The following CMIP variants were observed in gnomAD, a reference collection of about 807,000 sequenced individuals.
CMIP encodes c-Maf inducing protein, also known as C-Maf-inducing protein.
A neutral mutation model predicts 97.3 loss-of-function variants in CMIP; 13 were observed. The observed-to-expected ratio is 0.13, with a 90% CI of 0.09 to 0.21. The LOEUF (loss-of-function observed/expected upper bound fraction) is 0.21. Ranked by LOEUF, CMIP falls within the 10% of genes least tolerant of loss-of-function variation. CMIP has a pLI of 1.00. For synonymous variants in CMIP, 538 were observed against 436.3 expected, an observed-to-expected ratio of 1.23 and a Z score of -2.91; for missense variants, 847 against 1,024.9, an observed-to-expected ratio of 0.83 and a Z score of 2.37.
chr16:81,707,453 G>A (rs1908274656), intron 20 of CMIP, among the ~76,000 whole-genome samples: 1 of 152,254 alleles, frequency 6.6e-6, no homozygotes, highest in Non-Finnish European at 1.5e-5. Context: ...CAGGAACTGA[G>A]AGAGGGAATG....
intron 1 of CMIP, among the ~76,000 whole-genome samples, chr16:81,516,556 T>A (rs1289479106): frequency 6.6e-6 from 1 of 152,230 alleles, no homozygotes; most frequent in Non-Finnish European, 1.5e-5. Context: ...CCTTCAGGAC[T>A]CAGCTCATCG....
intron 1 of CMIP, among the ~76,000 whole-genome samples, chr16:81,594,486 C>T (rs1473750616): frequency 6.6e-6 from 1 of 152,028 alleles, no homozygotes; most frequent in African/African-American, 2.4e-5. Flanking sequence ...CACCGTACAG[C>T]AGTCCCCCCT....
Position 81,608,943 on chromosome 16 carries a change from C to G in CMIP, c.426+1251C>G, listed in dbSNP as rs1306258826. ...AAACCTATTTTAGATCTAGCAGCCA[C>G]TGGATTGTGTAACAGCATTGGGCTG... On this transcript the variant is annotated intron_variant, in intron 2 of 20. Coordinates refer to ENST00000537098, the MANE Select transcript of CMIP (RefSeq NM_198390.3). 2.0e-5 allele frequency among the ~76,000 whole-genome samples: 3 copies of G among 152,196 alleles called. No individual in the cohort carries two copies. In the East Asian group the frequency reaches 5.8e-4, roughly 29 times the overall value.
At chr16:81,704,831 AG>A (rs750909215) in intron 18 of CMIP, among the ~76,000 whole-genome samples, 26 of 149,276 alleles carry the variant, frequency 1.7e-4, no homozygotes, top group Non-Finnish European at 3.3e-4. Flanking sequence ...GAGGAGGTTG[AG>A]GACCTCATGA....
rs942138737 is a variant in CMIP, at chr16:81,670,090, C to A, written c.826-52C>A. The A allele has an allele frequency of 7.8e-6, 12 of 1,545,238 alleles. No individual in the cohort carries two copies. The East Asian group carries it at 2.4e-4, about 31-fold the overall frequency. On this transcript the variant is annotated intron_variant, in intron 7 of 20. Coordinates refer to ENST00000537098, the MANE Select transcript of CMIP (RefSeq NM_198390.3). ...TTTCTGGTGTCCTGGCTGCCCTGGG[C>A]TCCTGCCCTGCCTAGCACCGTCCCG...
At chr16:81,488,077 G>A (rs966854990) in intron 1 of CMIP, among the ~76,000 whole-genome samples, 5 of 145,958 alleles carry the variant, frequency 3.4e-5, no homozygotes, top group Non-Finnish European at 7.5e-5. Flanking sequence ...TTGGCAAGAC[G>A]CCGTTTGCAT....
At position 81,629,055 on chromosome 16, in the gene CMIP, G is replaced by C. The variant is rs143159265; in HGVS notation, c.477+8129G>C. 2.9e-5 allele frequency among the ~76,000 whole-genome samples: 4 copies of C among 137,972 alleles called. No individual in the cohort carries two copies. The East Asian group carries it at 9.5e-4, about 33-fold the overall frequency. 90.5% of individuals were successfully genotyped at this position (137,972 alleles called of 152,430 possible). A position where few individuals can be genotyped will look rare whatever the true frequency, so the allele number is the denominator to read the frequency against. On this transcript the variant is annotated intron_variant, in intron 3 of 20. Transcript: ENST00000537098. ...GGAGGCTGAAGCATGAGAATCGCTT[G>C]AACCCGGGAGGCGGAGGTTGCAGTG...
chr16:81,560,254 C>T (rs866786281), intron 1 of CMIP, among the ~76,000 whole-genome samples: 97 of 149,680 alleles, frequency 6.5e-4, no homozygotes, highest in South Asian at 4.2e-4. Flanking sequence ...AGTCTCGCTC[C>T]GTCGCCCAGG....
intron 1 of CMIP, among the ~76,000 whole-genome samples, chr16:81,565,780 C>T (rs911920640): frequency 2.0e-5 from 3 of 152,234 alleles, no homozygotes; most frequent in Non-Finnish European, 4.4e-5. Flanking sequence ...ATTCAACACA[C>T]ACTGATTGGC....
intron 1 of CMIP, among the ~76,000 whole-genome samples, chr16:81,580,282 C>CT: frequency 6.6e-6 from 1 of 152,310 alleles, no homozygotes; most frequent in Non-Finnish European, 1.5e-5. Context: ...CCCTATGTCT[C>CT]CCGGCTCTGG....
chr16:81,478,060 G>A (rs1193390992), intron 1 of CMIP, among the ~76,000 whole-genome samples: 1 of 152,210 alleles, frequency 6.6e-6, no homozygotes, highest in Admixed American at 6.5e-5. Context: ...AGGGAGAGGA[G>A]GCCAGAATAG....
intron 13 of CMIP, among the ~76,000 whole-genome samples, chr16:81,695,258 C>T (rs938206888): frequency 1.3e-5 from 2 of 152,224 alleles, no homozygotes; most frequent in Admixed American, 1.3e-4. Context: ...CTTCTTTCTC[C>T]CTTCCCTTCT....
At chr16:81,638,071 G>A (rs2092259058) in intron 3 of CMIP, among the ~76,000 whole-genome samples, 1 of 152,158 alleles carries the variant, frequency 6.6e-6, no homozygotes, top group African/African-American at 2.4e-5. Flanking sequence ...ATTTTTTGAA[G>A]ATACAAACAT....
intron 1 of CMIP, among the ~76,000 whole-genome samples, chr16:81,448,220 C>G (rs1279154821): frequency 6.6e-6 from 1 of 152,240 alleles, no homozygotes; most frequent in Non-Finnish European, 1.5e-5. Context: ...CAGCCCAACT[C>G]AGAATCATCT....
intron 1 of CMIP, among the ~76,000 whole-genome samples, chr16:81,529,530 C>A (rs754922721): frequency 6.6e-6 from 1 of 152,090 alleles, no homozygotes; most frequent in South Asian, 2.1e-4. Context: ...ATGCCCATGT[C>A]CTACTCCCCA....
intron 3 of CMIP, among the ~76,000 whole-genome samples, chr16:81,632,842 C>T (rs2092182156): frequency 6.6e-6 from 1 of 152,212 alleles, no homozygotes; most frequent in Admixed American, 6.5e-5. Flanking sequence ...ACATAAGGGC[C>T]AGCCTTGGGC....
chr16:81,541,669 A>G (rs1213582540), intron 1 of CMIP, among the ~76,000 whole-genome samples: 1 of 152,206 alleles, frequency 6.6e-6, no homozygotes, highest in African/African-American at 2.4e-5. Flanking sequence ...AGAAAGTCTC[A>G]GTGGAGTGGA....
intron 2 of CMIP, among the ~76,000 whole-genome samples, chr16:81,609,140 G>C (rs767170717): frequency 6.6e-6 from 1 of 152,046 alleles, no homozygotes; most frequent in African/African-American, 2.4e-5. Flanking sequence ...TGCCCTCTAC[G>C]CTTTTCTTTT....
chr16:81,472,946 C>T (rs182477238), intron 1 of CMIP, among the ~76,000 whole-genome samples: 1 of 152,302 alleles, frequency 6.6e-6, no homozygotes, highest in Admixed American at 6.5e-5. Context: ...AGGGGCTGGT[C>T]TGTTTAACTG....
Sources: allele counts gnomAD v4.1 joint callset (sites outside exome capture counted in the v4.1 genomes callset), GRCh38; gene constraint gnomAD v4.1.1; transcripts MANE v1.5; gene names NCBI Gene and HGNC (gene_info 2026-07-23, HGNC 2026-07-21).